The following ITGB3BP variants were observed in gnomAD, a reference collection of about 807,000 sequenced individuals.
ITGB3BP encodes centromere protein R.
Under a neutral mutation model 29.1 loss-of-function variants are expected in ITGB3BP, and 27 were observed. That is an observed-to-expected ratio of 0.93 (90% confidence interval 0.68 to 1.28). The LOEUF (loss-of-function observed/expected upper bound fraction) is 1.28. Among genes scored for constraint, ITGB3BP ranks in the 50% most tolerant of loss-of-function variants. ITGB3BP has a pLI of 0.00. For synonymous variants in ITGB3BP, 61 were observed against 61.4 expected (o/e 0.99, Z 0.03); for missense variants, 192 against 200.2 (o/e 0.96, Z 0.25).
chr1:63,515,950 C>G (rs1442578279), intron 1 of ITGB3BP, among the ~76,000 whole-genome samples: 1 of 150,664 alleles, frequency 6.6e-6, no homozygotes, highest in East Asian at 2.0e-4. Flanking sequence ...TATTGTAGCA[C>G]TATTCACAAC....
intron 7 of ITGB3BP, chr1:63,449,721 C>A (rs545981108): frequency 1.3e-5 from 2 of 154,532 alleles, no homozygotes; most frequent in South Asian, 2.0e-4. Flanking sequence ...TCCAGATAAA[C>A]CCAGAATGTT....
chr1:63,494,142 CCTT>C lies in ITGB3BP; in HGVS notation c.49-3927_49-3925del, dbSNP rs913832130. 8.5e-5 allele frequency among the ~76,000 whole-genome samples: 13 copies of C among 152,198 alleles called. 1 individual carries two copies. The highest frequency in any genetic ancestry group is 3.1e-4 in the African/African-American group (13 of 41,534). On this transcript the variant is annotated intron_variant, in intron 2 of 8. Coordinates refer to ENST00000271002, the MANE Select transcript of ITGB3BP (RefSeq NM_014288.5). ...AAGAGTACTAGATACCAACCAACAA[CCTT>C]CTTTTTTTTTTTGACACAGAGTCTT...
chr1:63,506,159 C>T (rs938273014), intron 2 of ITGB3BP, among the ~76,000 whole-genome samples: 2 of 152,052 alleles, frequency 1.3e-5, no homozygotes, highest in Non-Finnish European at 2.9e-5. Flanking sequence ...AAGTCTCTTT[C>T]TAGGTCTCTA....
intron 4 of ITGB3BP, among the ~76,000 whole-genome samples, chr1:63,473,425 A>G (rs1570187237): frequency 7.5e-6 from 1 of 133,494 alleles, no homozygotes; most frequent in Non-Finnish European, 1.6e-5. Flanking sequence ...CCTACTGGGA[A>G]GTGAGGAGCC....
At chr1:63,460,070 C>A (rs1481949903) in intron 4 of ITGB3BP, among the ~76,000 whole-genome samples, 2 of 151,566 alleles carry the variant, frequency 1.3e-5, no homozygotes, top group East Asian at 3.9e-4. Flanking sequence ...TACATTTTTA[C>A]AGGCTGTCTC....
intron 8 of ITGB3BP, among the ~76,000 whole-genome samples, chr1:63,443,346 GT>G (rs1393005324): frequency 6.6e-6 from 1 of 152,170 alleles, no homozygotes; most frequent in Admixed American, 6.6e-5. Context: ...TTCTAAGCAG[GT>G]TTTGAAAGAC....
chr1:63,473,047 C>A (rs28613246), intron 4 of ITGB3BP, among the ~76,000 whole-genome samples: 1 of 151,050 alleles, frequency 6.6e-6, no homozygotes, highest in Non-Finnish European at 1.5e-5. Flanking sequence ...TCTTCCCCAC[C>A]GCCATCCCAT....
chr1:63,517,200 A>T (rs1177058695), intron 1 of ITGB3BP, among the ~76,000 whole-genome samples: 2 of 151,994 alleles, frequency 1.3e-5, no homozygotes, highest in African/African-American at 4.8e-5. Flanking sequence ...GCAAAACTTA[A>T]AAAGAAATGT....
At chr1:63,513,349 T>C (rs1355482063) in intron 1 of ITGB3BP, among the ~76,000 whole-genome samples, 1 of 152,206 alleles carries the variant, frequency 6.6e-6, no homozygotes, top group Non-Finnish European at 1.5e-5. Flanking sequence ...GATGTTTAAC[T>C]GTCCCAAATT....
At position 63,508,578 on chromosome 1, in the gene ITGB3BP, C is replaced by T; in HGVS notation, c.6-8G>A. On this transcript the variant is annotated splice_polypyrimidine_tract_variant and splice_region_variant and intron_variant, in intron 1 of 8. Transcript: ENST00000271002. ...TTCAGTGATCTTTTAACACTACAAA[C>T]AAAAAATTTAAAGAAATTTTAGATT... The T allele has an allele frequency of 7.7e-7, 1 of 1,305,220 alleles. No homozygotes were observed. Among genetic ancestry groups the T allele is most frequent in the Non-Finnish European group, 1.1e-6 (1 of 951,144 alleles). The allele number at this position is 1,305,220 out of a possible 1,614,324, so 80.9% of individuals were successfully genotyped here.
intron 3 of ITGB3BP, among the ~76,000 whole-genome samples, chr1:63,487,871 G>T (rs972745669): frequency 2.6e-5 from 4 of 152,072 alleles, no homozygotes; most frequent in African/African-American, 9.7e-5. Flanking sequence ...GTAACGTGTT[G>T]TGCTACAATG....
At position 63,508,564 on chromosome 1, in the gene ITGB3BP, T is replaced by G; in HGVS notation, c.12A>C (p.Lys4Asn). Residue 4 changes from lysine to asparagine, a missense_variant, in exon 2 of 9, where the codon AAA (lysine) becomes AAC (asparagine). By Grantham distance (94) the Lys-to-Asn change is moderately conservative (BLOSUM62 0). Transcript: ENST00000271002. MPV[K>N]RSLKLDGLLE... ...ACAGACCATCCAACTTCAGTGATCT[T>G]TTAACACTACAAACAAAAAATTTAA... 7.2e-7 allele frequency: 1 copy of G among 1,398,464 alleles called. No individual in the cohort carries two copies. The highest frequency in any genetic ancestry group is 9.7e-7 in the Non-Finnish European group (1 of 1,028,168). 86.6% of individuals were successfully genotyped at this position (1,398,464 alleles called of 1,614,324 possible).
chr1:63,510,838 G>T (rs1405437922), intron 1 of ITGB3BP, among the ~76,000 whole-genome samples: 1 of 152,076 alleles, frequency 6.6e-6, no homozygotes, highest in African/African-American at 2.4e-5. Context: ...TATTATATTA[G>T]AACTGGGCCC....
intron 4 of ITGB3BP, among the ~76,000 whole-genome samples, chr1:63,461,210 C>T (rs180844237): frequency 1.9e-4 from 26 of 136,064 alleles, no homozygotes; most frequent in African/African-American, 5.4e-4. Flanking sequence ...GCCAAGATTG[C>T]GCCACTGCAC....
intron 8 of ITGB3BP, among the ~76,000 whole-genome samples, chr1:63,445,606 T>TA (rs1299483541): frequency 6.7e-6 from 1 of 148,542 alleles, no homozygotes; most frequent in East Asian, 2.0e-4. Context: ...AAGAATTCTT[T>TA]TTTTTTTTTT....
At chr1:63,445,275 G>A (rs1008833683) in intron 8 of ITGB3BP, among the ~76,000 whole-genome samples, 2 of 133,040 alleles carry the variant, frequency 1.5e-5, no homozygotes, top group South Asian at 5.2e-4. Context: ...GACAGAGCAA[G>A]ACTCCATTTC....
intron 1 of ITGB3BP, chr1:63,522,826 C>A: frequency 1.9e-6 from 1 of 514,834 alleles, no homozygotes; most frequent in South Asian, 1.7e-5. Flanking sequence ...CTACTCTGTC[C>A]CATCCTGTGT....
At chr1:63,459,597 G>A (rs1396484130) in intron 4 of ITGB3BP, among the ~76,000 whole-genome samples, 1 of 151,952 alleles carries the variant, frequency 6.6e-6, no homozygotes, top group Non-Finnish European at 1.5e-5. Flanking sequence ...TTAGTTTAAG[G>A]CACTATACTT....
intron 4 of ITGB3BP, among the ~76,000 whole-genome samples, chr1:63,474,918 AAACAAAAC>A (rs1411450924): frequency 3.0e-4 from 45 of 150,464 alleles, no homozygotes; most frequent in South Asian, 1.2e-3. Flanking sequence ...AATAAAATAA[AAACAAAAC>A]AAAACAAAAA....
Sources: allele counts gnomAD v4.1 joint callset (sites outside exome capture counted in the v4.1 genomes callset), GRCh38; gene constraint gnomAD v4.1.1; transcripts MANE v1.5; gene names NCBI Gene and HGNC (gene_info 2026-07-23, HGNC 2026-07-21).